Variants in TIAM1 observed in about 807,000 individuals in gnomAD.
The protein encoded by TIAM1 is rho guanine nucleotide exchange factor TIAM1.
Under a neutral mutation model 163.5 loss-of-function variants are expected in TIAM1, and 65 were observed. The ratio of observed to expected loss-of-function variants is 0.40; its 90% confidence interval spans 0.33 to 0.49. TIAM1 has a LOEUF of 0.49. TIAM1 is among the 20% of genes least tolerant of loss of function. The pLI is 0.77. For missense variants in TIAM1, 1,789 were observed against 2,044.7 expected (o/e 0.87, Z 2.41); for synonymous variants, 833 against 810.1 (o/e 1.03, Z -0.48).
chr21:31,307,369 T>G (rs2074753580), intron 2 of TIAM1, among the ~76,000 whole-genome samples: 1 of 152,098 alleles, frequency 6.6e-6, no homozygotes, highest in South Asian at 2.1e-4. Flanking sequence ...TTACCAACCC[T>G]CTGAGTACAC....
rs143508736 is a variant in TIAM1 at position 31,434,175 on chromosome 21, T to C, written c.-369+29808A>G. Among the ~76,000 whole-genome samples the C allele has an allele frequency of 2.9e-3, 444 of 152,322 alleles. 4 individuals are homozygous for C. Among genetic ancestry groups the C allele is most frequent in the African/African-American group, 0.01 (422 of 41,562 alleles). On this transcript the variant is annotated intron_variant, in intron 2 of 28. Transcript: ENST00000286827. ...GCATTGTAAAATATATTGCAGAACT[T>C]CTACATCCAGCTAAGATGCAGTAAC...
chr21:31,287,985 C>A (rs1278466787), intron 2 of TIAM1, among the ~76,000 whole-genome samples: 1 of 151,940 alleles, frequency 6.6e-6, no homozygotes, highest in African/African-American at 2.4e-5. Flanking sequence ...GACTCGGTGG[C>A]CACATACATC....
chr21:31,389,353 T>G (rs1300286692), intron 2 of TIAM1, among the ~76,000 whole-genome samples: 1 of 152,134 alleles, frequency 6.6e-6, no homozygotes, highest in African/African-American at 2.4e-5. Flanking sequence ...TGATTACAGG[T>G]GCCTTCCACC....
chr21:31,147,790 ATAT>A (rs1568919116), intron 19 of TIAM1, among the ~76,000 whole-genome samples: 1 of 141,926 alleles, frequency 7.0e-6, no homozygotes, highest in East Asian at 2.0e-4. Context: ...ATATTAAAAT[ATAT>A]ATATATATAT....
At chr21:31,186,915 T>C in intron 14 of TIAM1, 86 bp downstream of exon 14, 8 of 1,110,666 alleles carry the variant, frequency 7.2e-6, no homozygotes, top group Non-Finnish European at 1.1e-5. Flanking sequence ...AAATGAATCC[T>C]TTGGGCATAT....
intron 2 of TIAM1, among the ~76,000 whole-genome samples, chr21:31,413,635 G>A (rs1004926730): frequency 1.3e-5 from 2 of 152,040 alleles, no homozygotes; most frequent in African/African-American, 2.4e-5. Context: ...TGTCCCCTGC[G>A]AAAGGAATAC....
chr21:31,400,835 A>G (rs545562367), intron 2 of TIAM1, among the ~76,000 whole-genome samples: 1 of 152,202 alleles, frequency 6.6e-6, no homozygotes, highest in African/African-American at 2.4e-5. Context: ...TCATGCCTGT[A>G]ATCCCAGCAC....
At chr21:31,317,310 C>T (rs565661946) in intron 2 of TIAM1, among the ~76,000 whole-genome samples, 8 of 151,826 alleles carry the variant, frequency 5.3e-5, no homozygotes, top group South Asian at 2.1e-4. Context: ...CAAAATTAGC[C>T]GGGCGTGGTG....
chr21:31,400,421 C>T (rs1411346911), intron 2 of TIAM1, among the ~76,000 whole-genome samples: 1 of 152,134 alleles, frequency 6.6e-6, no homozygotes, highest in East Asian at 1.9e-4. Context: ...TGAGCCACCG[C>T]ACCCGGCCAG....
chr21:31,361,985 T>A (rs1602095938), intron 2 of TIAM1, among the ~76,000 whole-genome samples: 1 of 152,084 alleles, frequency 6.6e-6, no homozygotes, highest in Non-Finnish European at 1.5e-5. Flanking sequence ...CAAGTATACA[T>A]ATATGACTGA....
intron 1 of TIAM1, among the ~76,000 whole-genome samples, chr21:31,475,040 A>ATTATTATTATTATTATTG (rs2045890476): frequency 1.5e-5 from 1 of 65,286 alleles, no homozygotes; most frequent in Non-Finnish European, 3.2e-5. Flanking sequence ...TATTATTATT[A>ATTATTATTATTATTATTG]TTATTATTAT....
intron 1 of TIAM1, among the ~76,000 whole-genome samples, chr21:31,341,760 C>A (rs955788000): frequency 6.6e-6 from 1 of 152,140 alleles, no homozygotes; most frequent in South Asian, 2.1e-4. Context: ...TTGCAGCTAA[C>A]GAACTCAGTT....
At chr21:31,396,327 C>T (rs910534094) in intron 2 of TIAM1, among the ~76,000 whole-genome samples, 1 of 152,074 alleles carries the variant, frequency 6.6e-6, no homozygotes, top group Admixed American at 6.6e-5. Context: ...TCAATACATT[C>T]GCGGGTCCCT....
At chr21:31,223,968 G>A (rs2087778449) in intron 7 of TIAM1, among the ~76,000 whole-genome samples, 1 of 152,190 alleles carries the variant, frequency 6.6e-6, no homozygotes, top group African/African-American at 2.4e-5. Flanking sequence ...AGAAAAGTGA[G>A]ACGAATGAAA....
In TIAM1 at chr21:31,266,522, A is replaced by C; in HGVS notation, c.451T>G (p.Ser151Ala). Reference protein sequence around the residue: ...YLAEGGRRQHSYTSNGPTFME... With the variant: ...YLAEGGRRQHAYTSNGPTFME... ...AAAGTGGGCCCATTGGATGTATAGG[A>C]ATGCTGCCTCCTGCCTCCCTCAGCC... The change falls in exon 4 of 28, where the codon TCC becomes GCC. Residue 151 changes from serine to alanine, a missense_variant. Around this residue, in one of 5 missense-constraint regions of TIAM1, gnomAD observed 555 missense variants for 564.9 expected, o/e 0.98. Coordinates refer to ENST00000541036, the MANE Select transcript of TIAM1 (RefSeq NM_001353694.2). 6.2e-7 allele frequency: 1 copy of C among 1,614,060 alleles called. No homozygotes were observed. Among genetic ancestry groups the C allele is most frequent in the East Asian group, 2.2e-5 (1 of 44,866 alleles).
chr21:31,258,710 G>A (rs933959370), intron 4 of TIAM1, among the ~76,000 whole-genome samples: 1 of 152,006 alleles, frequency 6.6e-6, no homozygotes, highest in African/African-American at 2.4e-5. Flanking sequence ...AGCTACTCCG[G>A]AGGCTGAGGC....
intron 2 of TIAM1, among the ~76,000 whole-genome samples, chr21:31,383,888 G>A (rs1006673577): frequency 6.6e-6 from 1 of 152,160 alleles, no homozygotes; most frequent in Non-Finnish European, 1.5e-5. Context: ...ATGAAACGAT[G>A]TTTCCAAGGT....
At chr21:31,172,892 C>A (rs76388317) in intron 15 of TIAM1, among the ~76,000 whole-genome samples, 1 of 151,128 alleles carries the variant, frequency 6.6e-6, no homozygotes, top group Admixed American at 6.6e-5. Context: ...AAAAAAAAAA[C>A]TGCGGTAACC....
intron 1 of TIAM1, among the ~76,000 whole-genome samples, chr21:31,504,987 C>T (rs1202489972): frequency 6.6e-6 from 1 of 152,150 alleles, no homozygotes; most frequent in Non-Finnish European, 1.5e-5. Flanking sequence ...TGTTATTAGC[C>T]TCTGACAGTC....
Sources: gnomAD v4.1 joint callset for allele counts (sites outside exome capture counted in the v4.1 genomes callset) on GRCh38, gnomAD v4.1.1 for gene constraint, gnomAD v4.1.1 regional missense constraint, MANE v1.5 for transcripts, NCBI Gene and HGNC (gene_info 2026-07-23, HGNC 2026-07-21) for gene names.